Variants in CPEB1 observed in about 807,000 individuals in gnomAD.
CPEB1 encodes the protein cytoplasmic polyadenylation element binding protein 1.
Under a neutral mutation model 65.8 loss-of-function variants are expected in CPEB1, and 7 were observed. The observed-to-expected ratio is 0.11, with a 90% confidence interval of 0.06 to 0.20. The LOEUF is 0.20. Among genes scored for constraint, CPEB1 ranks in the 10% least tolerant of loss-of-function variants. CPEB1 has a pLI of 1.00. For synonymous variants in CPEB1, 262 were observed against 260.0 expected, an observed-to-expected ratio of 1.01 and a Z score of -0.08; for missense variants, 551 against 712.2, an observed-to-expected ratio of 0.77 and a Z score of 2.58.
chr15:82,573,303 T>C, intron 3 of CPEB1: 1 of 761,860 alleles, frequency 1.3e-6, no homozygotes. Context: ...CTGTAGATAT[T>C]CTGCTTGCTC....
At chr15:82,548,293 C>T (rs1334419024) in intron 10 of CPEB1, among the ~76,000 whole-genome samples, 2 of 152,082 alleles carry the variant, frequency 1.3e-5, no homozygotes, top group African/African-American at 4.8e-5. Flanking sequence ...TGAGATAGCA[C>T]CACTGCACTC....
chr15:82,546,198 C>T (rs2035176385), intron 12 of CPEB1, among the ~76,000 whole-genome samples: 1 of 152,184 alleles, frequency 6.6e-6, no homozygotes, highest in African/African-American at 2.4e-5. Context: ...CAACCTCCGC[C>T]TCCTGGGTTC....
At chr15:82,648,045 A>AC (rs2047727948), upstream of CPEB1, 1 of 432,880 alleles carries the variant, frequency 2.3e-6, no homozygotes, top group Non-Finnish European at 3.8e-6. Context: ...GATGCGGAGC[A>AC]CCTGTGTCGG....
intron 3 of CPEB1, among the ~76,000 whole-genome samples, chr15:82,609,484 G>A (rs1011280870): frequency 6.6e-6 from 1 of 150,532 alleles, no homozygotes; most frequent in South Asian, 2.1e-4. Flanking sequence ...CTGGGCAACA[G>A]AGCGAGAGCC....
Position 82,573,315 on chromosome 15 carries a change from C to T in CPEB1, c.272-1783G>A, listed in dbSNP as rs888548062. The T allele has an allele frequency of 5.5e-6, 4 of 720,762 alleles. No individual in the cohort carries two copies. The African/African-American group carries it at 7.2e-5, about 13-fold the overall frequency. The allele number at this position is 720,762 out of a possible 1,614,324, so 44.6% of individuals were successfully genotyped here. ...TGGCTGTAGATATTCTGCTTGCTCCCTATCTGTGTTTGTCAAAGCCTTGTT... is the reference window on the plus strand; with the variant it reads ...TGGCTGTAGATATTCTGCTTGCTCCTTATCTGTGTTTGTCAAAGCCTTGTT... On this transcript the variant is annotated intron_variant, in intron 3 of 12. Coordinates refer to ENST00000684509, the MANE Select transcript of CPEB1 (RefSeq NM_001365242.1).
chr15:82,614,724 A>G (rs1282620962), intron 3 of CPEB1, among the ~76,000 whole-genome samples: 1 of 152,084 alleles, frequency 6.6e-6, no homozygotes, highest in Non-Finnish European at 1.5e-5. Flanking sequence ...ATTTCAAAAG[A>G]TCTTTAAAAA....
chr15:82,611,469 A>G (rs1338655965), intron 3 of CPEB1, among the ~76,000 whole-genome samples: 3 of 152,180 alleles, frequency 2.0e-5, no homozygotes, highest in African/African-American at 7.2e-5. Context: ...TAAGATGGCA[A>G]TAGTAGGCCA....
At chr15:82,637,933 A>C in intron 1 of CPEB1, 1 of 441,200 alleles carries the variant, frequency 2.3e-6, no homozygotes, top group Admixed American at 2.5e-5. Flanking sequence ...CCATTAAAAA[A>C]ACCTATTACA....
intron 7 of CPEB1, 53 bp downstream of exon 7, chr15:82,553,825 G>GA (rs765804001): frequency 7.2e-5 from 93 of 1,289,804 alleles, no homozygotes; most frequent in Non-Finnish European, 1.0e-4. Flanking sequence ...TCATGCTCCT[G>GA]AAAGACATGC....
rs73439105 is a variant in CPEB1 at position 82,577,756 on chromosome 15, C to G, written c.272-6224G>C. Among the ~76,000 whole-genome samples, 1,362 of 152,150 alleles carry G rather than the reference C, an allele frequency of 9.0e-3. 22 individuals carry two copies. Among genetic ancestry groups the G allele is most frequent in the African/African-American group, 0.032 (1,312 of 41,514 alleles). On this transcript the variant is annotated intron_variant, in intron 3 of 12. Coordinates refer to ENST00000684509, the MANE Select transcript of CPEB1 (RefSeq NM_001365242.1). ...CAAGCTGTTCTCAGACTCTTGAGCT[C>G]AAGTGATCTGCCTGCCCCAGCCTCA... is the stretch of plus-strand genomic sequence containing the variant.
intron 1 of CPEB1, among the ~76,000 whole-genome samples, chr15:82,645,893 ATT>A (rs2047472072): frequency 1.3e-5 from 2 of 151,682 alleles, no homozygotes; most frequent in African/African-American, 4.8e-5. Flanking sequence ...ATAAATAAAT[ATT>A]AAAAAATAAA....
intron 1 of CPEB1, among the ~76,000 whole-genome samples, chr15:82,638,925 C>A (rs1054109649): frequency 5.3e-5 from 8 of 152,218 alleles, no homozygotes; most frequent in African/African-American, 1.7e-4. Context: ...GCCCTGATTC[C>A]TGCTAAGTAA....
At position 82,646,839 on chromosome 15, in the gene CPEB1, C is replaced by A. The variant is rs587690773; in HGVS notation, c.-98+298G>T. Among the ~76,000 whole-genome samples, 113 of 152,178 alleles carry A rather than the reference C, an allele frequency of 7.4e-4. 1 individual carries two copies. The highest frequency in any genetic ancestry group is 2.6e-3 in the African/African-American group (109 of 41,556). On this transcript the variant is annotated intron_variant, in intron 1 of 12. Coordinates refer to ENST00000684509, the MANE Select transcript of CPEB1 (RefSeq NM_001365242.1). ...GGTGAGGACCCCTTTGTGGGTGAGT[C>A]CCCCCACACTCAGGTGACTCCAGGC...
In CPEB1 at chr15:82,555,973, C is replaced by T. The variant is rs375007947; in HGVS notation, c.837G>A (p.Lys279=). 6.2e-7 allele frequency: 1 copy of T among 1,613,866 alleles called. No homozygotes were observed. Among genetic ancestry groups the T allele is most frequent in the Admixed American group, 1.7e-5 (1 of 60,006 alleles). Residue 279 remains lysine, a synonymous_variant, in exon 6 of 13, where the codon AAG becomes AAA. Coordinates refer to ENST00000684509, the MANE Select transcript of CPEB1 (RefSeq NM_001365242.1). ...AVTPSPTSAS[K]RWPGASVWPS... ...GCCACACAGAAGCTCCTGGCCATCT[C>T]TTTGAAGCACTGGTTGGGGAGGGAG... is the stretch of plus-strand genomic sequence containing the variant.
chr15:82,558,127 A>T, intron 4 of CPEB1, 141 bp from the exon 5 acceptor site: 1 of 606,846 alleles, frequency 1.6e-6, no homozygotes, highest in Admixed American at 3.2e-5. Context: ...AATATAATGA[A>T]CAGATATATA....
At chr15:82,547,289 C>CTTTTTTTTT (rs71156035) in intron 10 of CPEB1, 52 bp from the exon 11 acceptor site, 7 of 390,400 alleles carry the variant, frequency 1.8e-5, no homozygotes, top group African/African-American at 1.2e-4. Context: ...CCAAATGCTA[C>CTTTTTTTTT]TTTTTTTTTT....
chr15:82,648,542 G>T (rs2047757533), upstream of CPEB1: 1 of 152,488 alleles, frequency 6.6e-6, no homozygotes, highest in African/African-American at 2.4e-5. Flanking sequence ...GAGTTCTCCG[G>T]AGAAACCGCT....
At chr15:82,619,435 A>AAT (rs771330415) in intron 3 of CPEB1, among the ~76,000 whole-genome samples, 14 of 152,250 alleles carry the variant, frequency 9.2e-5, no homozygotes, top group Non-Finnish European at 1.9e-4. Context: ...AAAGTCAGTA[A>AAT]ATTATACTTC....
chr15:82,625,436 G>A (rs1334765329), intron 3 of CPEB1, among the ~76,000 whole-genome samples: 1 of 151,858 alleles, frequency 6.6e-6, no homozygotes, highest in Non-Finnish European at 1.5e-5. Context: ...CATTTTTGTG[G>A]GAATTATTTC....
Sources: allele counts gnomAD v4.1 joint callset (sites outside exome capture counted in the v4.1 genomes callset), GRCh38; gene constraint gnomAD v4.1.1; transcripts MANE v1.5; gene names NCBI Gene and HGNC (gene_info 2026-07-23, HGNC 2026-07-21).